CDYL2: variants seen among roughly 807,000 people sequenced by gnomAD.
CDYL2 encodes chromodomain Y-like protein 2.
In CDYL2, 23 loss-of-function variants were observed where a neutral mutation model predicts 49.4. The ratio of observed to expected loss-of-function variants is 0.47; its 90% CI spans 0.34 to 0.66. CDYL2 has a LOEUF of 0.66. CDYL2 is among the 30% of genes least tolerant of loss of function. The pLI is 0.01. For synonymous variants in CDYL2, 360 were observed against 268.8 expected (o/e 1.34, Z -3.32); for missense variants, 678 against 656.4 (o/e 1.03, Z -0.36).
chr16:80,652,765 T>C (rs2142422179), intron 2 of CDYL2, among the ~76,000 whole-genome samples: 1 of 152,158 alleles, frequency 6.6e-6, no homozygotes, highest in South Asian at 2.1e-4. Context: ...CTGGGGTCCC[T>C]CCTCCCAAAA....
At chr16:80,650,090 C>T (rs967733633) in intron 2 of CDYL2, among the ~76,000 whole-genome samples, 1 of 152,090 alleles carries the variant, frequency 6.6e-6, no homozygotes, top group Non-Finnish European at 1.5e-5. Flanking sequence ...CCTACAAGCA[C>T]AGGCAACCAA....
chr16:80,605,388 T>C (rs888153252), intron 6 of CDYL2, among the ~76,000 whole-genome samples: 4 of 148,274 alleles, frequency 2.7e-5, no homozygotes, highest in African/African-American at 9.8e-5. Context: ...TAATTATGTA[T>C]ATGTATTATA....
intron 2 of CDYL2, among the ~76,000 whole-genome samples, chr16:80,678,208 C>T (rs1287194286): frequency 1.3e-5 from 2 of 152,198 alleles, no homozygotes; most frequent in Non-Finnish European, 2.9e-5. Context: ...CGGGCAAGGC[C>T]TTCATGTCTA....
Position 80,720,223 on chromosome 16 carries a change from T to G in CDYL2, c.25-35094A>C, listed in dbSNP as rs1354787684. Among the ~76,000 whole-genome samples the G allele has an allele frequency of 2.6e-5, 4 of 151,958 alleles. No individual in the cohort carries two copies. In the East Asian group the frequency reaches 7.7e-4, roughly 29 times the overall value. On this transcript the variant is annotated intron_variant, in intron 1 of 6. Transcript: ENST00000570137. ...CCCTTCTTCCAGTTCCCCTCATGAC[T>G]CCCCTCTCTGTGGACATGCCTGGAT...
intron 2 of CDYL2, among the ~76,000 whole-genome samples, chr16:80,653,434 C>T (rs1045409310): frequency 6.6e-6 from 1 of 152,118 alleles, no homozygotes; most frequent in African/African-American, 2.4e-5. Context: ...CATTGCACTC[C>T]AGCCTGGGCA....
chr16:80,781,925 T>C (rs567170489), intron 1 of CDYL2, among the ~76,000 whole-genome samples: 6 of 151,640 alleles, frequency 4.0e-5, no homozygotes, highest in African/African-American at 4.8e-5. Context: ...CATTTACAGG[T>C]GTAAACACCT....
In CDYL2 at chr16:80,680,702, C is replaced by T. The variant is rs1008535424; in HGVS notation, c.616+3836G>A. Reference sequence around the variant, plus strand: ...TGAAGGACCAGATCACATTCCTTCTCACAAGCTTCAAATCCAGGGAGTAAA... The same window carrying T: ...TGAAGGACCAGATCACATTCCTTCTTACAAGCTTCAAATCCAGGGAGTAAA... On this transcript the variant is annotated intron_variant, in intron 2 of 6. Coordinates refer to ENST00000570137, the MANE Select transcript of CDYL2 (RefSeq NM_152342.4). Among the ~76,000 whole-genome samples, 5 of 152,220 alleles carry T rather than the reference C, an allele frequency of 3.3e-5. No individual in the cohort carries two copies. The East Asian group carries it at 9.6e-4, about 29-fold the overall frequency.
chr16:80,734,817 G>C (rs1308113313), intron 1 of CDYL2, among the ~76,000 whole-genome samples: 1 of 152,122 alleles, frequency 6.6e-6, no homozygotes, highest in Non-Finnish European at 1.5e-5. Flanking sequence ...TTTGTAACCT[G>C]CTGCTACGGT....
Position 80,651,743 on chromosome 16 carries a change from G to A in CDYL2, c.617-18507C>T, listed in dbSNP as rs1324983073. Among the ~76,000 whole-genome samples the A allele has an allele frequency of 3.9e-5, 6 of 152,136 alleles. No individual in the cohort carries two copies. In the East Asian group the frequency reaches 7.7e-4, roughly 20 times the overall value. On this transcript the variant is annotated intron_variant, in intron 2 of 6. Transcript: ENST00000570137. ...GACATAAATAACTTTAGAAATGAGC[G>A]GAGTTTGTGAAACTAAAGGCAAAAT...
rs79606170 is a variant in CDYL2, at chr16:80,795,351, T to C, written c.24+8799A>G. Among the ~76,000 whole-genome samples, 441 of 152,206 alleles carry C rather than the reference T, an allele frequency of 2.9e-3. 1 individual carries two copies. Among genetic ancestry groups the C allele is most frequent in the Admixed American group, 5.0e-3 (76 of 15,298 alleles). ...GAGAGATGGAATGACTGGAGTCAAG[T>C]GGGAATAATTTGGCAGCGGTGGCCT... On this transcript the variant is annotated intron_variant, in intron 1 of 6. Coordinates refer to ENST00000570137, the MANE Select transcript of CDYL2 (RefSeq NM_152342.4).
chr16:80,644,852 G>C (rs942641925), intron 2 of CDYL2, among the ~76,000 whole-genome samples: 1 of 151,810 alleles, frequency 6.6e-6, no homozygotes, highest in South Asian at 2.1e-4. Flanking sequence ...ACAACCATCT[G>C]ATCTTTGACA....
Position 80,612,539 on chromosome 16 carries a change from G to T in CDYL2, c.1218+87C>A. ...AATCTGCAGGCTGACAACACCCTCA[G>T]GTTTCTAGCCCCATGAAGAGCCCCT... On this transcript the variant is annotated intron_variant, in intron 5 of 6. Coordinates refer to ENST00000570137, the MANE Select transcript of CDYL2 (RefSeq NM_152342.4). The surrounding 1 kb of genome is among the most constrained non-coding windows in gnomAD (Gnocchi z 5.0). 7.4e-7 allele frequency: 1 copy of T among 1,342,326 alleles called. No individual in the cohort carries two copies. Among genetic ancestry groups the T allele is most frequent in the Non-Finnish European group, 1.0e-6 (1 of 979,516 alleles). 83.2% of individuals were successfully genotyped at this position (1,342,326 alleles called of 1,614,324 possible).
At chr16:80,649,703 T>C (rs112505368) in intron 2 of CDYL2, among the ~76,000 whole-genome samples, 10 of 152,310 alleles carry the variant, frequency 6.6e-5, no homozygotes, top group African/African-American at 2.2e-4. Flanking sequence ...TCACATTACC[T>C]GACTTCAAAT....
At chr16:80,610,796 G>C (rs2142363334) in intron 5 of CDYL2, among the ~76,000 whole-genome samples, 1 of 152,286 alleles carries the variant, frequency 6.6e-6, no homozygotes, top group Middle Eastern at 3.4e-3. Flanking sequence ...GTTTGGCCCT[G>C]TCACCTAAGG....
In CDYL2 at chr16:80,648,489, G is replaced by A. The variant is rs182983715; in HGVS notation, c.617-15253C>T. On this transcript the variant is annotated intron_variant, in intron 2 of 6. Transcript: ENST00000570137. ...CCTGAACAGATCAATAACAAGTAGC[G>A]ATATCACAGCCATAATAAAAAGTCT... Among the ~76,000 whole-genome samples, 492 of 152,036 alleles carry A rather than the reference G, an allele frequency of 3.2e-3. 4 individuals carry two copies. In the Middle Eastern group the frequency reaches 0.041, roughly 13 times the overall value.
intron 1 of CDYL2, among the ~76,000 whole-genome samples, chr16:80,753,729 C>T (rs933559827): frequency 6.6e-6 from 1 of 152,160 alleles, no homozygotes; most frequent in Non-Finnish European, 1.5e-5. Context: ...TAGAAAATCT[C>T]TTCTTAAACC....
chr16:80,753,616 G>GA (rs72048205), intron 1 of CDYL2, among the ~76,000 whole-genome samples: 4,171 of 149,450 alleles, frequency 0.028, 99 homozygotes, highest in East Asian at 0.087. Flanking sequence ...CTCAAAAAAA[G>GA]AAAAAAAAAT....
intron 2 of CDYL2, among the ~76,000 whole-genome samples, chr16:80,651,071 A>G (rs1035938667): frequency 1.3e-5 from 2 of 152,180 alleles, no homozygotes; most frequent in African/African-American, 2.4e-5. Context: ...ACTCTGGTCA[A>G]TAATTAATTT....
chr16:80,662,640 T>C (rs945195576), intron 2 of CDYL2: 3 of 432,238 alleles, frequency 6.9e-6, no homozygotes, highest in Middle Eastern at 7.1e-4. Context: ...CCTGCAATGA[T>C]GAAAATGTTC....
Sources: gnomAD v4.1 joint callset for allele counts (sites outside exome capture counted in the v4.1 genomes callset) on GRCh38, gnomAD v4.1.1 for gene constraint, Gnocchi (gnomAD v3.1) non-coding constraint, MANE v1.5 for transcripts, NCBI Gene and HGNC (gene_info 2026-07-23, HGNC 2026-07-21) for gene names.